Variants in SGIP1 observed in about 807,000 individuals in gnomAD.
SGIP1 encodes SH3GL interacting endocytic adaptor 1.
Under a neutral mutation model 107.5 loss-of-function variants are expected in SGIP1, and 38 were observed. The ratio of observed to expected loss-of-function variants is 0.35; its 90% CI spans 0.27 to 0.46. The LOEUF (loss-of-function observed/expected upper bound fraction) is 0.46. SGIP1 is among the 20% of genes least tolerant of loss of function. SGIP1 has a pLI of 1.00. For missense variants in SGIP1, 929 were observed against 1,019.5 expected (o/e 0.91, Z 1.21); for synonymous variants, 365 against 366.1 (o/e 1.00, Z 0.03).
chr1:66,649,978 C>A (rs2078426195), intron 7 of SGIP1, among the ~76,000 whole-genome samples: 1 of 152,102 alleles, frequency 6.6e-6, no homozygotes, highest in Non-Finnish European at 1.5e-5. Flanking sequence ...CTTCATTGGG[C>A]TATTTTGAGG....
At chr1:66,663,908 T>C (rs1571468660) in intron 8 of SGIP1, among the ~76,000 whole-genome samples, 1 of 152,178 alleles carries the variant, frequency 6.6e-6, no homozygotes, top group African/African-American at 2.4e-5. Context: ...TTAAAAGTAA[T>C]AGCAAAAAAC....
chr1:66,593,391 A>G (rs898779030), intron 1 of SGIP1, among the ~76,000 whole-genome samples: 4 of 152,198 alleles, frequency 2.6e-5, no homozygotes, highest in African/African-American at 9.7e-5. Context: ...AAGTGGCTGT[A>G]CCACTTTGCG....
chr1:66,660,956 T>C (rs1036666254), intron 8 of SGIP1, among the ~76,000 whole-genome samples: 4 of 152,098 alleles, frequency 2.6e-5, no homozygotes, highest in Non-Finnish European at 4.4e-5. Flanking sequence ...GAATGGGGAG[T>C]TGTAGGGAAG....
In SGIP1 at chr1:66,642,193, G is replaced by A. The variant is rs903767698; in HGVS notation, c.229-617G>A. 5.3e-5 allele frequency among the ~76,000 whole-genome samples: 8 copies of A among 152,044 alleles called. No individual in the cohort carries two copies. The South Asian group carries it at 8.3e-4, about 16-fold the overall frequency. ...CCGTAGTCTCATCTCCCCATCTCCC[G>A]CTGTGCAGCTTCTTCTCCAGCCATG... On this transcript the variant is annotated intron_variant, in intron 5 of 24. Coordinates refer to ENST00000371037, the MANE Select transcript of SGIP1 (RefSeq NM_032291.4).
chr1:66,610,777 T>C (rs2067831818), intron 1 of SGIP1, among the ~76,000 whole-genome samples: 1 of 152,172 alleles, frequency 6.6e-6, no homozygotes, highest in Non-Finnish European at 1.5e-5. Context: ...CACATTCATA[T>C]TCAATTTCTC....
At chr1:66,742,471 T>C (rs1025634691) in intron 24 of SGIP1, among the ~76,000 whole-genome samples, 7 of 73,410 alleles carry the variant, frequency 9.5e-5, no homozygotes, top group African/African-American at 4.4e-4. Context: ...TTTTTTTTTT[T>C]TTTTTTTTTT....
At chr1:66,537,546 G>A (rs914920162) in intron 1 of SGIP1, among the ~76,000 whole-genome samples, 8 of 152,012 alleles carry the variant, frequency 5.3e-5, no homozygotes, top group Admixed American at 3.9e-4. Context: ...CCTTGTTCAC[G>A]TAGGCCCAAC....
chr1:66,578,843 G>T (rs573026822), intron 1 of SGIP1, among the ~76,000 whole-genome samples: 1 of 152,212 alleles, frequency 6.6e-6, no homozygotes, highest in East Asian at 1.9e-4. Context: ...GACTAATTTT[G>T]TATTTTTAGT....
At chr1:66,620,059 A>G (rs1439904450) in intron 1 of SGIP1, among the ~76,000 whole-genome samples, 1 of 152,130 alleles carries the variant, frequency 6.6e-6, no homozygotes, top group Non-Finnish European at 1.5e-5. Context: ...CTCAAATTCA[A>G]AATTTGATGT....
intron 15 of SGIP1, among the ~76,000 whole-genome samples, chr1:66,684,431 A>G (rs903443131): frequency 3.9e-5 from 6 of 152,202 alleles, no homozygotes; most frequent in Non-Finnish European, 7.3e-5. Context: ...GGGGATACAA[A>G]GCTCCTTATC....
chr1:66,689,376 A>G (rs1467940858), intron 16 of SGIP1, 101 bp downstream of exon 16: 1 of 1,427,356 alleles, frequency 7.0e-7, no homozygotes, highest in Non-Finnish European at 9.4e-7. Flanking sequence ...TCGTACAAAC[A>G]ACCCTGACAG....
chr1:66,603,224 GA>G (rs1161163396), intron 1 of SGIP1, among the ~76,000 whole-genome samples: 1 of 151,970 alleles, frequency 6.6e-6, no homozygotes, highest in Non-Finnish European at 1.5e-5. Context: ...GCTATTTATG[GA>G]AAAAAACTTA....
At chr1:66,659,028 A>C (rs1180606667) in intron 7 of SGIP1, among the ~76,000 whole-genome samples, 1 of 152,202 alleles carries the variant, frequency 6.6e-6, no homozygotes, top group African/African-American at 2.4e-5. Flanking sequence ...CAGGCTTCAT[A>C]GAAAGCCAAC....
chr1:66,551,329 A>G (rs146164782), intron 1 of SGIP1, among the ~76,000 whole-genome samples: 1 of 152,190 alleles, frequency 6.6e-6, no homozygotes, highest in African/African-American at 2.4e-5. Context: ...TTAGAATGTG[A>G]TATCTATTTC....
At chr1:66,708,299 A>C (rs1405987495) in intron 18 of SGIP1, among the ~76,000 whole-genome samples, 1 of 152,210 alleles carries the variant, frequency 6.6e-6, no homozygotes, top group African/African-American at 2.4e-5. Context: ...TGCTTTACAT[A>C]AATTAGCTTT....
intron 15 of SGIP1, among the ~76,000 whole-genome samples, chr1:66,687,466 C>T (rs2025596): frequency 0.8 from 121,759 of 151,928 alleles, 49,087 homozygotes; most frequent in East Asian, 1. Context: ...TAAGAGAAGA[C>T]TAGCCAAAGA....
At chr1:66,539,123 G>T (rs534717244) in intron 1 of SGIP1, among the ~76,000 whole-genome samples, 1 of 152,270 alleles carries the variant, frequency 6.6e-6, no homozygotes, top group Admixed American at 6.5e-5. Context: ...AATTTGCTGA[G>T]ATAATTCTAA....
intron 1 of SGIP1, among the ~76,000 whole-genome samples, chr1:66,576,759 T>G (rs755637897): frequency 6.0e-4 from 91 of 152,232 alleles, no homozygotes; most frequent in Non-Finnish European, 1.1e-3. Flanking sequence ...AGAACGGTAC[T>G]GGCCACAAGC....
chr1:66,725,896 A>G (rs1020804916), intron 19 of SGIP1, among the ~76,000 whole-genome samples: 1 of 152,228 alleles, frequency 6.6e-6, no homozygotes, highest in Non-Finnish European at 1.5e-5. Flanking sequence ...TGCCGCCACC[A>G]TGCACTGCAG....
Sources: gnomAD v4.1 joint callset for allele counts (sites outside exome capture counted in the v4.1 genomes callset) on GRCh38, gnomAD v4.1.1 for gene constraint, MANE v1.5 for transcripts, NCBI Gene and HGNC (gene_info 2026-07-23, HGNC 2026-07-21) for gene names.